PHB2: variants seen among roughly 807,000 people sequenced by gnomAD.
PHB2 encodes the protein prohibitin 2.
PHB2 carries 22 observed loss-of-function variants against 46.4 expected under a neutral mutation model. The ratio of observed to expected loss-of-function variants is 0.47; its 90% CI spans 0.34 to 0.68. The LOEUF is 0.68. Ranked by LOEUF, PHB2 falls within the 30% of genes least tolerant of loss-of-function variation. The probability of loss-of-function intolerance (pLI) is 0.01; values close to 1 mark genes in which losing one functional copy is unlikely to be tolerated. For missense variants in PHB2, 305 were observed against 382.8 expected, an observed-to-expected ratio of 0.80 and a Z score of 1.70; for synonymous variants, 156 against 150.5, an observed-to-expected ratio of 1.04 and a Z score of -0.27.
intron 3 of PHB2, chr12:6,968,804 C>T (rs1946260908): frequency 3.4e-6 from 2 of 595,188 alleles, no homozygotes; most frequent in Non-Finnish European, 6.2e-6. Flanking sequence ...AACTGCAAAC[C>T]CCGTCACCAG....
chr12:6,967,382 C>T lies in PHB2; in HGVS notation c.712-134G>A, dbSNP rs373287687. The T allele has an allele frequency of 9.3e-6, 15 of 1,604,806 alleles. No homozygotes were observed. Among genetic ancestry groups the T allele is most frequent in the African/African-American group, 2.7e-5 (2 of 74,782 alleles). The stretch of plus-strand genomic sequence containing the variant: ...TCAGGTGGCTTGTGCCCAGCCCTAC[C>T]GTGGACCCCACCTGTGGGCCTCCCT... On this transcript the variant is annotated intron_variant, in intron 6 of 9. Coordinates refer to ENST00000535923, the MANE Select transcript of PHB2 (RefSeq NM_001144831.2). This position sits in a 1 kb window ranked among gnomAD's most constrained non-coding sequence, Gnocchi z 4.9.
intron 3 of PHB2, 83 bp downstream of exon 3, chr12:6,969,413 TGA>T: frequency 2.9e-6 from 2 of 696,944 alleles, no homozygotes; most frequent in Non-Finnish European, 4.9e-6. Context: ...CCTAAAGGCC[TGA>T]CACTACCATA....
At chr12:6,970,381 C>A in intron 1 of PHB2, 36 bp downstream of exon 1, 3 of 1,604,234 alleles carry the variant, frequency 1.9e-6, no homozygotes, top group Non-Finnish European at 2.5e-6. Flanking sequence ...GGGGGAGGGA[C>A]TGGAAGCGTC....
At position 6,965,426 on chromosome 12, in the gene PHB2, A is replaced by C; in HGVS notation, c.*259T>G. ...TCTCCTCCCAGCCTTGAGGGAGGGAACAACACTGTAGGAAATCACTGAGAA... is the reference window on the plus strand; with the variant it reads ...TCTCCTCCCAGCCTTGAGGGAGGGACCAACACTGTAGGAAATCACTGAGAA... On this transcript the variant is annotated 3_prime_UTR_variant, in exon 10 of 10. Transcript: ENST00000535923. 1.8e-6 allele frequency: 1 copy of C among 551,582 alleles called. No homozygotes were observed. The highest frequency in any genetic ancestry group is 3.1e-5 in the East Asian group (1 of 32,324). 34.2% of individuals were successfully genotyped at this position (551,582 alleles called of 1,614,324 possible). A position where few individuals can be genotyped will look rare whatever the true frequency, so the allele number is the denominator to read the frequency against.
rs782298702 is a variant in PHB2, at chr12:6,967,884, C to A, written c.607+8G>T. ...AGAAGCCCTCACCCCACGGCTCTTG[C>A]GACTCACCCACTTGTTTGGCTTCTA... On this transcript the variant is annotated splice_region_variant and intron_variant, in intron 5 of 9. Coordinates refer to ENST00000535923, the MANE Select transcript of PHB2 (RefSeq NM_001144831.2). The surrounding 1 kb of genome is among the most constrained non-coding windows in gnomAD (Gnocchi z 4.9). 66 of 1,612,946 alleles carry A rather than the reference C, an allele frequency of 4.1e-5. No homozygotes were observed. The highest frequency in any genetic ancestry group is 5.2e-5 in the Non-Finnish European group (61 of 1,179,302).
Position 6,970,497 on chromosome 12 carries a change from G to C in PHB2, c.47C>G (p.Pro16Arg), listed in dbSNP as rs782443366. 1.2e-6 allele frequency: 2 copies of C among 1,605,012 alleles called. No individual in the cohort carries two copies. Among genetic ancestry groups the C allele is most frequent in the African/African-American group, 2.7e-5 (2 of 74,848 alleles). ...KDLAGRLPAG[P>R]RGMGTALKLL... Reference sequence around the variant, plus strand: ...CTTCAGGGCCGTGCCCATGCCCCGGGGCCCGGCGGGCAGCCGTCCCGCCAA... The same window carrying C: ...CTTCAGGGCCGTGCCCATGCCCCGGCGCCCGGCGGGCAGCCGTCCCGCCAA... Residue 16 changes from proline to arginine, a missense_variant, in exon 1 of 10, where the codon CCC (proline) becomes CGC (arginine). Pro to Arg is a moderately radical substitution (Grantham distance 103). Transcript: ENST00000535923.
Position 6,967,043 on chromosome 12 carries a change from CG to C in PHB2, c.789+127del. The C allele has an allele frequency of 4.9e-6, 4 of 809,066 alleles. No individual in the cohort carries two copies. Among genetic ancestry groups the C allele is most frequent in the Non-Finnish European group, 8.1e-6 (4 of 491,086 alleles). The allele number at this position is 809,066 out of a possible 1,614,324, so 50.1% of individuals were successfully genotyped here. A position where few individuals can be genotyped will look rare whatever the true frequency, so the allele number is the denominator to read the frequency against. On this transcript the variant is annotated intron_variant, in intron 7 of 9. Transcript: ENST00000535923. This position sits in a 1 kb window ranked among gnomAD's most constrained non-coding sequence, Gnocchi z 4.9. The stretch of plus-strand genomic sequence containing the variant: ...GGATTACATGCGTGAGCCACCGCGC[CG>C]GCCAGAGAAGCCAATCTGAGTAGAA...
chr12:6,968,400 G>C lies in PHB2; in HGVS notation c.477+11C>G. On this transcript the variant is annotated intron_variant, in intron 4 of 9. Transcript: ENST00000535923. ...AGGCTGACACCACGCAGATGGTGGT[G>C]GGAGTCAGACCTGGGCCCGCTGGGT... 6.3e-7 allele frequency: 1 copy of C among 1,586,198 alleles called. No homozygotes were observed. Among genetic ancestry groups the C allele is most frequent in the Non-Finnish European group, 8.6e-7 (1 of 1,158,814 alleles).
chr12:6,968,260 CCTT>C (rs1946250305), intron 4 of PHB2, 148 bp downstream of exon 4: 2 of 698,626 alleles, frequency 2.9e-6, no homozygotes, highest in Non-Finnish European at 4.8e-6. Flanking sequence ...TGCTGGCTCT[CCTT>C]ATTTCACAGT....
chr12:6,966,907 G>T (rs1946220187), intron 7 of PHB2, among the ~76,000 whole-genome samples: 1 of 152,136 alleles, frequency 6.6e-6, no homozygotes, highest in African/African-American at 2.4e-5. Context: ...ACCACAGCGG[G>T]CTCATTATCT....
At chr12:6,968,353 A>G (rs1014546959) in intron 4 of PHB2, 58 bp downstream of exon 4, 1 of 1,279,216 alleles carries the variant, frequency 7.8e-7, no homozygotes, top group East Asian at 2.4e-5. Flanking sequence ...CTAATTCCCA[A>G]TACTCTGGGC....
In PHB2 at chr12:6,967,276, G is replaced by A. The variant is rs1555150929; in HGVS notation, c.712-28C>T. On this transcript the variant is annotated intron_variant, in intron 6 of 9. Transcript: ENST00000535923. The surrounding 1 kb of genome is among the most constrained non-coding windows in gnomAD (Gnocchi z 4.9). Reference sequence around the variant, plus strand: ...GAGGAGGGTTAAGGTACACGCAAGGGCAGGTCTCAATCCCTGGCCCTGTCC... The same window carrying A: ...GAGGAGGGTTAAGGTACACGCAAGGACAGGTCTCAATCCCTGGCCCTGTCC... The A allele has an allele frequency of 6.2e-7, 1 of 1,612,998 alleles. No individual in the cohort carries two copies. Among genetic ancestry groups the A allele is most frequent in the Admixed American group, 1.7e-5 (1 of 60,006 alleles).
In PHB2 at chr12:6,967,973, T is replaced by C. The variant is rs1229249601; in HGVS notation, c.526A>G (p.Ser176Gly). The change falls in exon 5 of 10, where the codon AGC (serine) becomes GGC (glycine). Residue 176 changes from serine (S) to glycine (G), a missense_variant. Around this residue, in one of 3 missense-constraint regions of PHB2, gnomAD observed 241 missense variants for 302.7 expected, o/e 0.80. Transcript: ENST00000535923. This position sits in a 1 kb window ranked among gnomAD's most constrained non-coding sequence, Gnocchi z 4.9. ...RELTERAKDF[S>G]LILDDVAITE... ...ATGGCCACATCATCCAGGATGAGGC[T>C]GAAGTCCTTGGCCCTCTCTGTCAGC... is the stretch of plus-strand genomic sequence containing the variant. 5 of 1,613,076 alleles carry C rather than the reference T, an allele frequency of 3.1e-6. No individual in the cohort carries two copies. In the East Asian group the frequency reaches 8.9e-5, roughly 29 times the overall value.
In PHB2 at chr12:6,967,660, T is replaced by C. The variant is rs1392292727; in HGVS notation, c.711+16A>G. 6.3e-7 allele frequency: 1 copy of C among 1,596,782 alleles called. No individual in the cohort carries two copies. The highest frequency in any genetic ancestry group is 8.6e-7 in the Non-Finnish European group (1 of 1,164,644). The stretch of plus-strand genomic sequence containing the variant: ...GCCCTAGGGGCTGGGCTGAGATCTC[T>C]CCAGCAGAAGGATATCATCTTGGCA... On this transcript the variant is annotated intron_variant, in intron 6 of 9. Coordinates refer to ENST00000535923, the MANE Select transcript of PHB2 (RefSeq NM_001144831.2). This position sits in a 1 kb window ranked among gnomAD's most constrained non-coding sequence, Gnocchi z 4.9.
intron 3 of PHB2, chr12:6,968,830 T>G: frequency 1.8e-6 from 1 of 549,790 alleles, no homozygotes; most frequent in Non-Finnish European, 3.4e-6. Flanking sequence ...CTGACTACTC[T>G]TTCCCCCTCT....
chr12:6,967,307 A>G lies in PHB2; in HGVS notation c.712-59T>C, dbSNP rs1555150943. ...CTCAATCCCTGGCCCTGTCCTTACCACACTCCCTTGCTCCAGTCCTCCTCT... is the reference window on the plus strand; with the variant it reads ...CTCAATCCCTGGCCCTGTCCTTACCGCACTCCCTTGCTCCAGTCCTCCTCT... On this transcript the variant is annotated intron_variant, in intron 6 of 9. Coordinates refer to ENST00000535923, the MANE Select transcript of PHB2 (RefSeq NM_001144831.2). The surrounding 1 kb of genome is among the most constrained non-coding windows in gnomAD (Gnocchi z 4.9). 6.2e-7 allele frequency: 1 copy of G among 1,611,612 alleles called. No individual in the cohort carries two copies. The highest frequency in any genetic ancestry group is 8.5e-7 in the Non-Finnish European group (1 of 1,178,130).
Position 6,970,657 on chromosome 12 carries a change from G to T in PHB2, c.-114C>A. On this transcript the variant is annotated 5_prime_UTR_variant, in exon 1 of 10. Transcript: ENST00000535923. ...CACGAGGGTTCGGGCCCGTAAGGCT[G>T]GCGAAAGAAAGGGCAGCGGAAGTGC... The T allele has an allele frequency of 1.5e-6, 2 of 1,322,794 alleles. No individual in the cohort carries two copies. The highest frequency in any genetic ancestry group is 2.0e-6 in the Non-Finnish European group (2 of 976,020). The allele number at this position is 1,322,794 out of a possible 1,614,324, so 81.9% of individuals were successfully genotyped here.
At chr12:6,966,349 G>A in intron 8 of PHB2, 75 bp downstream of exon 8, 3 of 899,542 alleles carry the variant, frequency 3.3e-6, no homozygotes, top group South Asian at 2.6e-5. Context: ...AGCTGTAGCA[G>A]GCTCCAGAGC....
chr12:6,965,527 C>T lies in PHB2; in HGVS notation c.*158G>A. 1 of 684,760 alleles carries T rather than the reference C, an allele frequency of 1.5e-6. No individual in the cohort carries two copies. Among genetic ancestry groups the T allele is most frequent in the Non-Finnish European group, 2.7e-6 (1 of 376,394 alleles). 42.4% of individuals were successfully genotyped at this position (684,760 alleles called of 1,614,324 possible). On this transcript the variant is annotated 3_prime_UTR_variant, in exon 10 of 10. Transcript: ENST00000535923. ...ATTCCCCAGAAAAGGGGCTAGTCTT[C>T]AGTCTTCCTTAATCCAAGAGGGGTT...
Sources: gnomAD v4.1 joint callset for allele counts (sites outside exome capture counted in the v4.1 genomes callset) on GRCh38, gnomAD v4.1.1 for gene constraint, gnomAD v4.1.1 regional missense constraint, Gnocchi (gnomAD v3.1) non-coding constraint, MANE v1.5 for transcripts, NCBI Gene and HGNC (gene_info 2026-07-23, HGNC 2026-07-21) for gene names.